CABLES1: variants seen among roughly 807,000 people sequenced by gnomAD.
The protein encoded by CABLES1 is CDK5 and ABL1 enzyme substrate 1.
In CABLES1, 36 loss-of-function variants were observed where a neutral mutation model predicts 57.8. The observed-to-expected ratio is 0.62, with a 90% confidence interval of 0.48 to 0.82. CABLES1 has a LOEUF of 0.82. CABLES1 is among the 40% of genes least tolerant of loss of function. CABLES1 has a pLI of 0.00. For missense variants in CABLES1, 767 were observed against 836.6 expected, an observed-to-expected ratio of 0.92 and a Z score of 1.03; for synonymous variants, 374 against 363.0, an observed-to-expected ratio of 1.03 and a Z score of -0.35.
At chr18:23,216,405 C>A (rs552870709) in intron 4 of CABLES1, among the ~76,000 whole-genome samples, 3 of 152,158 alleles carry the variant, frequency 2.0e-5, no homozygotes, top group Non-Finnish European at 4.4e-5. Flanking sequence ...AACCTTGCTG[C>A]GAAATGGAGC....
At chr18:23,238,010 A>G (rs975826479) in intron 7 of CABLES1, among the ~76,000 whole-genome samples, 4 of 151,530 alleles carry the variant, frequency 2.6e-5, no homozygotes, top group Admixed American at 2.0e-4. Flanking sequence ...ACATCCACCC[A>G]GAATGCCCCC....
intron 1 of CABLES1, among the ~76,000 whole-genome samples, chr18:23,141,970 C>T (rs1231267405): frequency 1.3e-5 from 2 of 152,128 alleles, no homozygotes; most frequent in African/African-American, 4.8e-5. Context: ...CCTGATGTGG[C>T]ATAAGAGAGG....
intron 7 of CABLES1, 66 bp downstream of exon 7, chr18:23,237,311 G>A (rs918975685): frequency 1.7e-5 from 18 of 1,079,450 alleles, no homozygotes; most frequent in South Asian, 2.5e-5. Flanking sequence ...GTTGGTGGCC[G>A]GCTGGGGGCT....
intron 3 of CABLES1, among the ~76,000 whole-genome samples, chr18:23,210,315 G>T (rs778051813): frequency 5.3e-5 from 8 of 152,178 alleles, no homozygotes; most frequent in Non-Finnish European, 7.3e-5. Flanking sequence ...TGTCACAGGT[G>T]GGGGAAATGA....
intron 1 of CABLES1, among the ~76,000 whole-genome samples, chr18:23,157,564 C>T (rs1598803058): frequency 6.6e-6 from 1 of 152,228 alleles, no homozygotes; most frequent in Non-Finnish European, 1.5e-5. Flanking sequence ...CTGAAGGCCT[C>T]TTCCTTCTCA....
chr18:23,237,962 G>A (rs905909529), intron 7 of CABLES1, among the ~76,000 whole-genome samples: 2 of 151,938 alleles, frequency 1.3e-5, no homozygotes, highest in African/African-American at 4.8e-5. Context: ...CAGAACAGTC[G>A]ATTGGCCAGG....
chr18:23,155,826 G>A, intron 1 of CABLES1: 1 of 1,608,092 alleles, frequency 6.2e-7, no homozygotes, highest in South Asian at 1.1e-5. Flanking sequence ...TAGCCTCCAG[G>A]CCATTTTTCT....
At chr18:23,153,199 A>ATT (rs2046942571) in intron 1 of CABLES1, among the ~76,000 whole-genome samples, 1 of 151,772 alleles carries the variant, frequency 6.6e-6, no homozygotes, top group African/African-American at 2.4e-5. Flanking sequence ...GGACTCAAGC[A>ATT]ATCCTCCCAC....
intron 1 of CABLES1, among the ~76,000 whole-genome samples, chr18:23,185,753 ACAGAACGTGTC>A (rs1474544256): frequency 1.3e-5 from 2 of 152,224 alleles, no homozygotes; most frequent in Non-Finnish European, 2.9e-5. Flanking sequence ...CCAAAGTGTG[ACAGAACGTGTC>A]GAGATTCTCA....
At chr18:23,165,865 C>T (rs1171116822) in intron 1 of CABLES1, among the ~76,000 whole-genome samples, 5 of 152,170 alleles carry the variant, frequency 3.3e-5, no homozygotes, top group Non-Finnish European at 7.3e-5. Flanking sequence ...TATCAGAAAG[C>T]GATCTCTCAT....
At chr18:23,253,309 C>A (rs550263192) in intron 8 of CABLES1, among the ~76,000 whole-genome samples, 111 of 152,236 alleles carry the variant, frequency 7.3e-4, no homozygotes, top group African/African-American at 2.6e-3. Flanking sequence ...ATGGTGAAAT[C>A]CCGTCTCTAC....
chr18:23,143,310 C>T (rs1176585598), intron 1 of CABLES1, among the ~76,000 whole-genome samples: 1 of 152,174 alleles, frequency 6.6e-6, no homozygotes, highest in Non-Finnish European at 1.5e-5. Flanking sequence ...ACAGCTGAAT[C>T]CCTGACACCT....
intron 6 of CABLES1, 142 bp from the exon 7 acceptor site, chr18:23,237,000 A>G: frequency 4.7e-6 from 3 of 638,900 alleles, no homozygotes; most frequent in Non-Finnish European, 8.7e-6. Context: ...AATAAAAGTC[A>G]GTGAGTGCCG....
intron 1 of CABLES1, among the ~76,000 whole-genome samples, chr18:23,178,230 A>C (rs530013494): frequency 1.3e-5 from 2 of 150,884 alleles, no homozygotes; most frequent in South Asian, 4.2e-4. Context: ...TTTTTCAACC[A>C]GTACCCAGTA....
At chr18:23,150,750 T>C (rs2046923653) in intron 1 of CABLES1, among the ~76,000 whole-genome samples, 1 of 151,858 alleles carries the variant, frequency 6.6e-6, no homozygotes, top group South Asian at 2.1e-4. Context: ...GTGTTGTGAC[T>C]GGGAAAGGCT....
At chr18:23,165,259 T>A (rs995425821) in intron 1 of CABLES1, among the ~76,000 whole-genome samples, 5 of 152,082 alleles carry the variant, frequency 3.3e-5, no homozygotes, top group South Asian at 2.1e-4. Context: ...ATTTTTTAAT[T>A]TTAATTTTTT....
At chr18:23,203,633 G>C (rs2047342112) in intron 3 of CABLES1, among the ~76,000 whole-genome samples, 1 of 151,946 alleles carries the variant, frequency 6.6e-6, no homozygotes, top group Admixed American at 6.6e-5. Context: ...GACCTTGTTT[G>C]TGATCTCATC....
At chr18:23,192,376 T>C (rs192564100) in intron 2 of CABLES1, among the ~76,000 whole-genome samples, 1 of 152,376 alleles carries the variant, frequency 6.6e-6, no homozygotes, top group Non-Finnish European at 1.5e-5. Flanking sequence ...CAGCCACCTG[T>C]GGCCCTTTTG....
At chr18:23,172,067 T>C (rs1460598320) in intron 1 of CABLES1, among the ~76,000 whole-genome samples, 3 of 152,214 alleles carry the variant, frequency 2.0e-5, no homozygotes, top group Non-Finnish European at 4.4e-5. Context: ...ACTACAGGCA[T>C]GTGCCACCAC....
Sources: allele counts gnomAD v4.1 joint callset (sites outside exome capture counted in the v4.1 genomes callset), GRCh38; gene constraint gnomAD v4.1.1; transcripts MANE v1.5; gene names NCBI Gene and HGNC (gene_info 2026-07-23, HGNC 2026-07-21).